The following RIN3 variants were observed in gnomAD, a reference collection of about 807,000 sequenced individuals.
RIN3 encodes the protein Ras and Rab interactor 3.
A neutral mutation model predicts 76.3 loss-of-function variants in RIN3; 54 were observed. The ratio of observed to expected loss-of-function variants is 0.71; its 90% CI spans 0.57 to 0.89. The LOEUF (loss-of-function observed/expected upper bound fraction) is 0.89, where lower values mean the gene tolerates loss of function less well. Ranked by LOEUF, RIN3 falls within the 40% of genes least tolerant of loss-of-function variation. The probability of loss-of-function intolerance (pLI) is 0.00; values close to 1 mark genes in which losing one functional copy is unlikely to be tolerated. For missense variants in RIN3, 1,256 were observed against 1,322.1 expected (o/e 0.95, Z 0.78); for synonymous variants, 576 against 564.0 (o/e 1.02, Z -0.30).
chr14:92,526,829 A>T (rs1470329611), intron 1 of RIN3, among the ~76,000 whole-genome samples: 1 of 152,194 alleles, frequency 6.6e-6, no homozygotes, highest in Non-Finnish European at 1.5e-5. Flanking sequence ...GGTGGCTTAA[A>T]ACAATATAAA....
chr14:92,609,555 G>A (rs1226984214), intron 3 of RIN3, among the ~76,000 whole-genome samples: 1 of 152,218 alleles, frequency 6.6e-6, no homozygotes, highest in Non-Finnish European at 1.5e-5. Flanking sequence ...GGAGTAGGCT[G>A]GCCGGCTCCC....
At chr14:92,670,277 T>G (rs1410039395) in intron 7 of RIN3, among the ~76,000 whole-genome samples, 1 of 152,092 alleles carries the variant, frequency 6.6e-6, no homozygotes, top group Non-Finnish European at 1.5e-5. Flanking sequence ...TACCTACAGA[T>G]GGCAAACAGA....
rs1248823835 is a variant in RIN3, at chr14:92,652,196, C to T, written c.1147C>T (p.Pro383Ser). Residue 383 changes from proline to serine, a missense_variant, in exon 6 of 10, where the codon CCC becomes TCC. Physicochemically the swap from Pro to Ser is moderately conservative, Grantham distance 74. Coordinates refer to ENST00000216487, the MANE Select transcript of RIN3 (RefSeq NM_024832.5). This position sits in a 1 kb window ranked among gnomAD's most constrained non-coding sequence, Gnocchi z 6.4. ...GCCACTGCCTGCGAAGAAGAACCTT[C>T]CCACTGCCCCTCCCAGACGCCGCGT... ...APPLPAKKNL[P>S]TAPPRRRVSE... 1.2e-6 allele frequency: 2 copies of T among 1,605,256 alleles called. No homozygotes were observed. The highest frequency in any genetic ancestry group is 2.7e-5 in the African/African-American group (2 of 74,738).
In RIN3 at chr14:92,676,588, G is replaced by C; in HGVS notation, c.2449G>C (p.Ala817Pro). ...VEYMMELMDP[A>P]LQLGEGSYYL... is the part of the protein sequence containing the mutation. ...GTACATGATGGAGCTCATGGACCCCGCCCTGCAGCTGGGGGAGGGTGAGTC... is the reference window on the plus strand; with the variant it reads ...GTACATGATGGAGCTCATGGACCCCCCCCTGCAGCTGGGGGAGGGTGAGTC... The change falls in exon 8 of 10, where the codon GCC becomes CCC. Residue 817 changes from alanine (A) to proline (P), a missense_variant. Physicochemically the swap from Ala to Pro is conservative, Grantham distance 27. Transcript: ENST00000216487. 5 of 1,613,570 alleles carry C rather than the reference G, an allele frequency of 3.1e-6. No homozygotes were observed. The highest frequency in any genetic ancestry group is 4.2e-6 in the Non-Finnish European group (5 of 1,179,822).
intron 4 of RIN3, 137 bp from the exon 5 acceptor site, chr14:92,641,101 C>T: frequency 1.5e-6 from 1 of 664,310 alleles, no homozygotes; most frequent in Non-Finnish European, 2.7e-6. Context: ...CAGAGTCTGC[C>T]CCTCAGCTCC....
rs1388544104 is a variant in RIN3 at position 92,613,328 on chromosome 14, C to T, written c.368-2079C>T. ...TCGGGGCATCCTGTGAATTCCAACA[C>T]CACCAGCTAGGGTCTTTCAGACTTA... On this transcript the variant is annotated intron_variant, in intron 3 of 9. Coordinates refer to ENST00000216487, the MANE Select transcript of RIN3 (RefSeq NM_024832.5). Among the ~76,000 whole-genome samples the T allele has an allele frequency of 2.6e-5, 4 of 152,182 alleles. No individual in the cohort carries two copies. In the East Asian group the frequency reaches 7.7e-4, roughly 29 times the overall value.
At position 92,623,308 on chromosome 14, in the gene RIN3, TATC is replaced by T. The variant is rs1158626392; in HGVS notation, c.440+7832_440+7834del. On this transcript the variant is annotated intron_variant, in intron 4 of 9. Transcript: ENST00000216487. The surrounding 1 kb of genome is among the most constrained non-coding windows in gnomAD (Gnocchi z 4.9). ...CACAAACTCCACCTTTTTCTGCTAATATCATATCTAAGGCCATTCTGTTTTCCC... is the reference window on the plus strand; with the variant it reads ...CACAAACTCCACCTTTTTCTGCTAATATATCTAAGGCCATTCTGTTTTCCC... Among the ~76,000 whole-genome samples, 1 of 152,246 alleles carries T rather than the reference TATC, an allele frequency of 6.6e-6. No individual in the cohort carries two copies. The highest frequency in any genetic ancestry group is 1.5e-5 in the Non-Finnish European group (1 of 68,036).
chr14:92,586,795 T>G (rs1450526829), intron 3 of RIN3, among the ~76,000 whole-genome samples: 1 of 152,176 alleles, frequency 6.6e-6, no homozygotes, highest in African/African-American at 2.4e-5. Flanking sequence ...TACAAGTCGT[T>G]CGAACTGTCC....
chr14:92,542,512 C>T (rs192251814), intron 1 of RIN3, among the ~76,000 whole-genome samples: 65 of 152,256 alleles, frequency 4.3e-4, no homozygotes, highest in African/African-American at 1.5e-3. Flanking sequence ...AGTCTGGTAG[C>T]TCCTCAAAAT....
At chr14:92,666,410 C>T (rs887690340) in intron 7 of RIN3, among the ~76,000 whole-genome samples, 2 of 152,266 alleles carry the variant, frequency 1.3e-5, no homozygotes, top group African/African-American at 4.8e-5. Flanking sequence ...GCCTGTGCTT[C>T]TATCACGGTG....
intron 1 of RIN3, among the ~76,000 whole-genome samples, chr14:92,544,417 G>GT: frequency 4.6e-5 from 1 of 21,622 alleles, no homozygotes; most frequent in African/African-American, 1.4e-4. Context: ...ACAGCTGTGG[G>GT]GGGGGGGGGG....
chr14:92,661,759 A>ACACACACACACAC (rs11436084), intron 7 of RIN3, among the ~76,000 whole-genome samples: 3 of 101,876 alleles, frequency 2.9e-5, no homozygotes, highest in African/African-American at 6.5e-5. Flanking sequence ...ACACACACAC[A>ACACACACACACAC]AAAAATAGAA....
chr14:92,556,338 T>TAA (rs142920317), intron 2 of RIN3, among the ~76,000 whole-genome samples: 21 of 148,646 alleles, frequency 1.4e-4, no homozygotes, highest in African/African-American at 4.9e-4. Context: ...AGAGCCAGGG[T>TAA]AAAAAAAAAA....
At chr14:92,608,666 C>A (rs1444251935) in intron 3 of RIN3, among the ~76,000 whole-genome samples, 1 of 152,014 alleles carries the variant, frequency 6.6e-6, no homozygotes, top group Non-Finnish European at 1.5e-5. Flanking sequence ...TCTTGAGTAG[C>A]TGGGATTACA....
intron 3 of RIN3, among the ~76,000 whole-genome samples, chr14:92,610,089 A>G (rs1885674786): frequency 6.6e-6 from 1 of 152,208 alleles, no homozygotes; most frequent in African/African-American, 2.4e-5. Flanking sequence ...ATACAATTCG[A>G]TGGCTTTTAG....
intron 1 of RIN3, among the ~76,000 whole-genome samples, chr14:92,532,904 A>C (rs1896917405): frequency 6.6e-6 from 1 of 152,186 alleles, no homozygotes; most frequent in African/African-American, 2.4e-5. Context: ...GACGAGACTC[A>C]GGAGGCTCAT....
intron 3 of RIN3, among the ~76,000 whole-genome samples, chr14:92,587,823 C>A (rs1361746729): frequency 6.6e-6 from 1 of 152,036 alleles, no homozygotes; most frequent in Non-Finnish European, 1.5e-5. Context: ...ATGTCTTAGT[C>A]TATTTGTGCT....
At chr14:92,558,023 A>T (rs1225476927) in intron 2 of RIN3, among the ~76,000 whole-genome samples, 3 of 152,206 alleles carry the variant, frequency 2.0e-5, no homozygotes, top group African/African-American at 7.2e-5. Context: ...GGACATAGTC[A>T]TGACTGCTCT....
Position 92,688,054 on chromosome 14 carries a change from G to A in RIN3, c.2760G>A (p.Ala920=), listed in dbSNP as rs777024880. ...AEKFAVERPQ[A]HRLFVLVDGR... ...AGTTCGCGGTGGAGCGGCCGCAGGC[G>A]CACCGGCTGTTCGTGCTGGTGGACG... Residue 920 remains alanine, a synonymous_variant, in exon 10 of 10, where the codon GCG becomes GCA. Transcript: ENST00000216487. 33 of 1,601,216 alleles carry A rather than the reference G, an allele frequency of 2.1e-5. No homozygotes were observed. In the Admixed American group the frequency reaches 5.6e-4, roughly 27 times the overall value.
Sources: allele counts gnomAD v4.1 joint callset (sites outside exome capture counted in the v4.1 genomes callset), GRCh38; gene constraint gnomAD v4.1.1; non-coding constraint Gnocchi (gnomAD v3.1); transcripts MANE v1.5; gene names NCBI Gene and HGNC (gene_info 2026-07-23, HGNC 2026-07-21).